The following FAM47E variants were observed in gnomAD, a reference collection of about 807,000 sequenced individuals.
FAM47E encodes the protein protein FAM47E.
A neutral mutation model predicts 41.6 loss-of-function variants in FAM47E; 32 were observed. That is an observed-to-expected ratio of 0.77 (90% CI 0.58 to 1.03). FAM47E has a LOEUF of 1.03. Among genes scored for constraint, FAM47E ranks in the 50% least tolerant of loss-of-function variants. The pLI is 0.00. For synonymous variants in FAM47E, 184 were observed against 188.7 expected (o/e 0.98, Z 0.20); for missense variants, 424 against 485.4 (o/e 0.87, Z 1.19).
Position 76,278,072 on chromosome 4 carries a change from C to A in FAM47E, c.874C>A (p.Pro292Thr). The change falls in exon 6 of 8, where the codon CCT becomes ACT. Residue 292 changes from proline (P) to threonine (T), a missense_variant. Physicochemically the swap from Pro to Thr is conservative, Grantham distance 38 (BLOSUM62 -1). Coordinates refer to ENST00000424749, the MANE Select transcript of FAM47E (RefSeq NM_001136570.3). ...GGAATTATGTTACTTTCCACAGAATCCTTATAAGCCAAAGTGGGTGAAGAT... is the reference window on the plus strand; with the variant it reads ...GGAATTATGTTACTTTCCACAGAATACTTATAAGCCAAAGTGGGTGAAGAT... ...YERKLQKPQN[P>T]YKPKWVKMRY... 1 of 1,493,842 alleles carries A rather than the reference C, an allele frequency of 6.7e-7. No homozygotes were observed. The highest frequency in any genetic ancestry group is 1.4e-5 in the African/African-American group (1 of 70,032). The allele number at this position is 1,493,842 out of a possible 1,614,324, so 92.5% of individuals were successfully genotyped here.
intron 2 of FAM47E, among the ~76,000 whole-genome samples, chr4:76,220,875 C>T (rs1000121654): frequency 2.0e-5 from 3 of 152,178 alleles, no homozygotes; most frequent in Non-Finnish European, 4.4e-5. Flanking sequence ...TCCAGGTGCT[C>T]ACCTGGGATC....
chr4:76,266,624 C>G (rs1734646647), intron 3 of FAM47E, among the ~76,000 whole-genome samples: 1 of 152,184 alleles, frequency 6.6e-6, no homozygotes, highest in Non-Finnish European at 1.5e-5. Context: ...GTCTATTTGT[C>G]ACACAGTAGC....
chr4:76,271,522 C>T (rs1471421114), intron 4 of FAM47E, 46 bp from the exon 5 acceptor site: 1 of 1,543,654 alleles, frequency 6.5e-7, no homozygotes, highest in East Asian at 2.4e-5. Flanking sequence ...AAGCAAAGAG[C>T]ATTTCACCGA....
chr4:76,214,335 G>A (rs938629746), exon 1 of FAM47E: 1 of 454,552 alleles, frequency 2.2e-6, no homozygotes, highest in African/African-American at 2.0e-5. Flanking sequence ...GGGGCCTGGG[G>A]GATGCATAAG....
intron 2 of FAM47E, among the ~76,000 whole-genome samples, chr4:76,222,222 ATCT>A (rs758045020): frequency 6.7e-5 from 10 of 149,438 alleles, no homozygotes; most frequent in Non-Finnish European, 5.9e-5. Flanking sequence ...CATATTTCCT[ATCT>A]TCTTTTTTTT....
chr4:76,277,888 T>A (rs1735195739), intron 5 of FAM47E, among the ~76,000 whole-genome samples, 181 bp from the exon 6 acceptor site: 1 of 152,228 alleles, frequency 6.6e-6, no homozygotes, highest in Non-Finnish European at 1.5e-5. Flanking sequence ...TATTTTTAAA[T>A]CATGAACTTT....
chr4:76,214,367 G>A lies in FAM47E; in HGVS notation c.-87G>A, dbSNP rs183858810. The stretch of plus-strand genomic sequence containing the variant: ...TAAGTTTGTCACGTAAGGGGCATGT[G>A]CAAGAATGGAAGATGTGCAAAAAAG... On this transcript the variant is annotated 5_prime_UTR_variant, in exon 1 of 8. Transcript: ENST00000510197. The A allele has an allele frequency of 1.4e-4, 61 of 447,862 alleles. 1 individual carries two copies. The East Asian group carries it at 4.3e-3, about 31-fold the overall frequency. 27.7% of individuals were successfully genotyped at this position (447,862 alleles called of 1,614,324 possible).
chr4:76,242,145 T>A (rs1733725282), intron 2 of FAM47E, among the ~76,000 whole-genome samples: 1 of 152,198 alleles, frequency 6.6e-6, no homozygotes, highest in Non-Finnish European at 1.5e-5. Flanking sequence ...GTGATATGGT[T>A]TGGATATTTG....
chr4:76,243,393 G>A (rs1733751854), intron 2 of FAM47E, among the ~76,000 whole-genome samples: 1 of 152,128 alleles, frequency 6.6e-6, no homozygotes, highest in Non-Finnish European at 1.5e-5. Context: ...CCTGATACTA[G>A]CTCTGGGTCT....
At chr4:76,255,371 T>C (rs7655112) in intron 1 of FAM47E, among the ~76,000 whole-genome samples, 90,913 of 152,048 alleles carry the variant, frequency 0.6, 27,452 homozygotes, top group Middle Eastern at 0.67. Context: ...GTGTAAAGCA[T>C]TTAGAACAGT....
chr4:76,238,323 G>A (rs1026933558), intron 2 of FAM47E, among the ~76,000 whole-genome samples: 4 of 152,254 alleles, frequency 2.6e-5, no homozygotes, highest in East Asian at 1.9e-4. Flanking sequence ...CTCTACCTCC[G>A]CTTCCCTGTT....
chr4:76,251,677 T>C (rs1733967107), upstream of FAM47E: 5 of 1,384,460 alleles, frequency 3.6e-6, no homozygotes, highest in Non-Finnish European at 3.7e-6. Flanking sequence ...TGCGGTGTCC[T>C]AGCAACGGGG....
At chr4:76,264,791 T>A (rs1025296710) in intron 3 of FAM47E, among the ~76,000 whole-genome samples, 5 of 152,216 alleles carry the variant, frequency 3.3e-5, no homozygotes, top group Non-Finnish European at 5.9e-5. Flanking sequence ...AGGCAAAGTT[T>A]CGCCATGTTG....
At chr4:76,220,256 C>G (rs1311596093) in intron 2 of FAM47E, among the ~76,000 whole-genome samples, 1 of 152,074 alleles carries the variant, frequency 6.6e-6, no homozygotes, top group East Asian at 1.9e-4. Context: ...TGGAACCGAC[C>G]CAAATGTCAT....
At chr4:76,249,345 G>A (rs926273730), upstream of FAM47E, among the ~76,000 whole-genome samples, 1 of 152,086 alleles carries the variant, frequency 6.6e-6, no homozygotes, top group Non-Finnish European at 1.5e-5. Context: ...TTATTTGTTT[G>A]TTTATTTAAG....
chr4:76,230,938 T>C (rs1733483137), intron 2 of FAM47E, among the ~76,000 whole-genome samples: 1 of 152,222 alleles, frequency 6.6e-6, no homozygotes, highest in Non-Finnish European at 1.5e-5. Context: ...TCACCTGTGC[T>C]GTGCCTTTTA....
At chr4:76,252,821 T>G (rs1348022329) in intron 1 of FAM47E, among the ~76,000 whole-genome samples, 3 of 152,162 alleles carry the variant, frequency 2.0e-5, no homozygotes, top group Non-Finnish European at 4.4e-5. Flanking sequence ...CTTACAGTGG[T>G]ACCATTTTAC....
At chr4:76,226,022 C>T (rs1733391447) in intron 2 of FAM47E, among the ~76,000 whole-genome samples, 1 of 152,172 alleles carries the variant, frequency 6.6e-6, no homozygotes, top group African/African-American at 2.4e-5. Context: ...CGGTCCTGGA[C>T]TTCTTTTTGT....
At chr4:76,240,284 C>T (rs923696820) in intron 2 of FAM47E, among the ~76,000 whole-genome samples, 27 of 152,226 alleles carry the variant, frequency 1.8e-4, no homozygotes, top group Middle Eastern at 3.4e-3. Context: ...ATTGAGGATT[C>T]CTTATATGTG....
Sources: allele counts gnomAD v4.1 joint callset (sites outside exome capture counted in the v4.1 genomes callset), GRCh38; gene constraint gnomAD v4.1.1; transcripts MANE v1.5; gene names NCBI Gene and HGNC (gene_info 2026-07-23, HGNC 2026-07-21).